Variants in TPD52L1 observed in about 807,000 individuals in gnomAD.
TPD52L1 encodes tumor protein D53.
In TPD52L1, 18 loss-of-function variants were observed where a neutral mutation model predicts 28.7. The observed-to-expected ratio is 0.63, with a 90% CI of 0.43 to 0.93. The LOEUF is 0.93. TPD52L1 is among the 40% of genes least tolerant of loss of function. The pLI is 0.00. For missense variants in TPD52L1, 203 were observed against 254.8 expected (o/e 0.80, Z 1.39); for synonymous variants, 75 against 88.8 (o/e 0.84, Z 0.88).
chr6:125,229,097 C>A (rs1481949368), intron 2 of TPD52L1, 21 bp from the exon 3 acceptor site: 4 of 1,606,024 alleles, frequency 2.5e-6, no homozygotes, highest in South Asian at 2.2e-5. Context: ...TTTCCCCCAC[C>A]ATTTCCCCTC....
At chr6:125,172,157 T>TTTCTTTCCTTTC (rs1554202455) in intron 1 of TPD52L1, among the ~76,000 whole-genome samples, 5 of 54,010 alleles carry the variant, frequency 9.3e-5, no homozygotes, top group African/African-American at 4.3e-4. Flanking sequence ...TCTTTCTTTC[T>TTTCTTTCCTTTC]TTTCTTTCTT....
chr6:125,205,880 C>T (rs753225575), intron 1 of TPD52L1, among the ~76,000 whole-genome samples: 1 of 152,294 alleles, frequency 6.6e-6, no homozygotes, highest in Admixed American at 6.5e-5. Context: ...TGTAATAGCA[C>T]GTCACTTCCA....
chr6:125,202,537 C>G (rs181650282), intron 1 of TPD52L1, among the ~76,000 whole-genome samples: 3 of 152,096 alleles, frequency 2.0e-5, no homozygotes, highest in Admixed American at 2.0e-4. Context: ...AAAATCAGTT[C>G]TCTGGTCTAT....
chr6:125,239,796 C>T (rs1412570739), intron 3 of TPD52L1, among the ~76,000 whole-genome samples: 1 of 152,132 alleles, frequency 6.6e-6, no homozygotes, highest in Non-Finnish European at 1.5e-5. Context: ...TGTCTGTTTG[C>T]TGATTATTTC....
intron 1 of TPD52L1, among the ~76,000 whole-genome samples, chr6:125,192,978 T>C (rs527931012): frequency 6.6e-6 from 1 of 152,364 alleles, no homozygotes; most frequent in East Asian, 1.9e-4. Context: ...TTTATTATCC[T>C]TATGTGTTAA....
At chr6:125,161,731 G>T (rs879694360) in intron 1 of TPD52L1, among the ~76,000 whole-genome samples, 2 of 152,254 alleles carry the variant, frequency 1.3e-5, no homozygotes, top group Middle Eastern at 3.4e-3. Flanking sequence ...ATAGTTCATG[G>T]TTCTCCAAAA....
intron 1 of TPD52L1, among the ~76,000 whole-genome samples, chr6:125,182,508 A>G (rs1474270930): frequency 6.6e-6 from 1 of 152,090 alleles, no homozygotes; most frequent in African/African-American, 2.4e-5. Context: ...GTAGAAAGGG[A>G]GGGAACCTGC....
At chr6:125,176,040 C>T (rs1400190756) in intron 1 of TPD52L1, among the ~76,000 whole-genome samples, 1 of 152,178 alleles carries the variant, frequency 6.6e-6, no homozygotes, top group Non-Finnish European at 1.5e-5. Flanking sequence ...TGGGGATGAT[C>T]TCTTAGATTG....
At position 125,248,532 on chromosome 6, in the gene TPD52L1, G is replaced by T; in HGVS notation, c.386+149G>T. 4.8e-6 allele frequency: 3 copies of T among 623,172 alleles called. No homozygotes were observed. The South Asian group carries it at 6.3e-5, about 13-fold the overall frequency. 38.6% of individuals were successfully genotyped at this position (623,172 alleles called of 1,614,324 possible). ...TATGGCTGATATGATTGATGACTAA[G>T]ATAAATTTTCACACTGGGACATTTT... On this transcript the variant is annotated intron_variant, in intron 4 of 6. Transcript: ENST00000534000.
chr6:125,166,046 A>G (rs1344176165), intron 1 of TPD52L1, among the ~76,000 whole-genome samples: 2 of 152,318 alleles, frequency 1.3e-5, no homozygotes, highest in Non-Finnish European at 1.5e-5. Flanking sequence ...CCAAAAAAAG[A>G]AAGCTTTTTA....
At chr6:125,188,985 A>G (rs1792854214) in intron 1 of TPD52L1, among the ~76,000 whole-genome samples, 1 of 152,232 alleles carries the variant, frequency 6.6e-6, no homozygotes, top group Non-Finnish European at 1.5e-5. Flanking sequence ...TTAGAGAATT[A>G]GCTTAAGCTA....
intron 1 of TPD52L1, among the ~76,000 whole-genome samples, chr6:125,185,217 G>A (rs1300292328): frequency 6.6e-6 from 1 of 152,104 alleles, no homozygotes; most frequent in Admixed American, 6.5e-5. Context: ...GTTTTATAGT[G>A]GTATATTTTA....
intron 1 of TPD52L1, among the ~76,000 whole-genome samples, chr6:125,178,839 T>C (rs530505147): frequency 6.6e-6 from 1 of 152,284 alleles, no homozygotes; most frequent in Non-Finnish European, 1.5e-5. Context: ...GGTGTTACAT[T>C]CTGAGTACAC....
intron 1 of TPD52L1, among the ~76,000 whole-genome samples, chr6:125,215,524 C>T (rs1260822008): frequency 6.6e-6 from 1 of 152,172 alleles, no homozygotes; most frequent in Non-Finnish European, 1.5e-5. Context: ...GAGCTTAAAC[C>T]TAGACTAACT....
At chr6:125,160,003 A>C (rs1790413196) in intron 1 of TPD52L1, among the ~76,000 whole-genome samples, 1 of 152,086 alleles carries the variant, frequency 6.6e-6, no homozygotes, top group South Asian at 2.1e-4. Context: ...TGGTTTTATA[A>C]AGGGGAGTTC....
intron 1 of TPD52L1, among the ~76,000 whole-genome samples, chr6:125,183,631 AG>A (rs1792374934): frequency 6.6e-6 from 1 of 152,178 alleles, no homozygotes; most frequent in African/African-American, 2.4e-5. Context: ...CAGGTTCTTA[AG>A]GGAAGTATTT....
At chr6:125,190,579 A>C (rs939419378) in intron 1 of TPD52L1, among the ~76,000 whole-genome samples, 7 of 152,104 alleles carry the variant, frequency 4.6e-5, no homozygotes, top group Non-Finnish European at 1.0e-4. Flanking sequence ...ATTATATTGT[A>C]ATATATAATG....
chr6:125,192,517 GC>G (rs1261064416), intron 1 of TPD52L1, among the ~76,000 whole-genome samples: 1 of 152,020 alleles, frequency 6.6e-6, no homozygotes, highest in Non-Finnish European at 1.5e-5. Flanking sequence ...TTGCCAGAGA[GC>G]CCTTGATTTT....
chr6:125,170,733 A>G (rs1289389024), intron 1 of TPD52L1, among the ~76,000 whole-genome samples: 2 of 152,102 alleles, frequency 1.3e-5, no homozygotes, highest in African/African-American at 4.8e-5. Context: ...TTGGCTTGCA[A>G]GTAGGGTAAA....
Sources: gnomAD v4.1 joint callset for allele counts (sites outside exome capture counted in the v4.1 genomes callset) on GRCh38, gnomAD v4.1.1 for gene constraint, MANE v1.5 for transcripts, NCBI Gene and HGNC (gene_info 2026-07-23, HGNC 2026-07-21) for gene names.